Variants in AXIN1 observed in about 807,000 individuals in gnomAD.
AXIN1 encodes the protein axin 1.
A neutral mutation model predicts 76.4 loss-of-function variants in AXIN1; 30 were observed. The ratio of observed to expected loss-of-function variants is 0.39; its 90% CI spans 0.29 to 0.53. The LOEUF (loss-of-function observed/expected upper bound fraction) is 0.53, where lower values mean the gene tolerates loss of function less well. Ranked by LOEUF, AXIN1 falls within the 20% of genes least tolerant of loss-of-function variation. The pLI, the probability that AXIN1 is intolerant of heterozygous loss-of-function variation, is 0.66. For missense variants in AXIN1, 1,140 were observed against 1,198.8 expected, an observed-to-expected ratio of 0.95 and a Z score of 0.72; for synonymous variants, 545 against 501.4, an observed-to-expected ratio of 1.09 and a Z score of -1.16.
chr16:341,949 T>C (rs886210735), intron 2 of AXIN1, among the ~76,000 whole-genome samples: 7 of 152,166 alleles, frequency 4.6e-5, no homozygotes, highest in Non-Finnish European at 8.8e-5. Context: ...AAGCTTTGTG[T>C]CTAGCTCAGG....
At position 347,225 on chromosome 16, in the gene AXIN1, C is replaced by T. The variant is rs548819092; in HGVS notation, c.-81-119G>A. ...TCCCGCTCAAACTCAAAGCAAGAAA[C>T]TCAGTTTAAATGTTCAATCAAGATA... On this transcript the variant is annotated intron_variant, in intron 1 of 10. Transcript: ENST00000262320. 269 of 907,282 alleles carry T rather than the reference C, an allele frequency of 3.0e-4. 4 individuals carry two copies. In the South Asian group the frequency reaches 4.3e-3, roughly 15 times the overall value. 56.2% of individuals were successfully genotyped at this position (907,282 alleles called of 1,614,324 possible). A position where few individuals can be genotyped will look rare whatever the true frequency, so the allele number is the denominator to read the frequency against.
intron 6 of AXIN1, 147 bp from the exon 7 acceptor site, chr16:297,373 G>A (rs766045360): frequency 1.7e-4 from 172 of 1,038,508 alleles, no homozygotes; most frequent in Non-Finnish European, 2.2e-4. Flanking sequence ...TCCCCCACCC[G>A]CTGTCCCCCG....
chr16:335,521 ACCACGGCACAC>A (rs1480678462), intron 2 of AXIN1, among the ~76,000 whole-genome samples: 1 of 152,094 alleles, frequency 6.6e-6, no homozygotes, highest in African/African-American at 2.4e-5. Flanking sequence ...AGCACCCAGT[ACCACGGCACAC>A]CAATAACATA....
rs568433367 is a variant in AXIN1, at chr16:327,113, A to G, written c.879-12430T>C. On this transcript the variant is annotated intron_variant, in intron 2 of 10. Coordinates refer to ENST00000262320, the MANE Select transcript of AXIN1 (RefSeq NM_003502.4). Reference sequence around the variant, plus strand: ...GCCGAGATCGCACCATTGCACTCCAACCTGGGCGACAGAGCGAGGCTCCGT... The same window carrying G: ...GCCGAGATCGCACCATTGCACTCCAGCCTGGGCGACAGAGCGAGGCTCCGT... Among the ~76,000 whole-genome samples, 672 of 150,844 alleles carry G rather than the reference A, an allele frequency of 4.5e-3. 9 individuals carry two copies. Among genetic ancestry groups the G allele is most frequent in the African/African-American group, 0.016 (639 of 41,024 alleles).
At chr16:300,845 C>T (rs530810764) in intron 5 of AXIN1, among the ~76,000 whole-genome samples, 21 of 152,262 alleles carry the variant, frequency 1.4e-4, no homozygotes, top group African/African-American at 5.1e-4. Flanking sequence ...TGATGCCGTT[C>T]ACTGCCTTGG....
chr16:310,411 T>A (rs772634010), intron 3 of AXIN1, among the ~76,000 whole-genome samples: 2 of 152,192 alleles, frequency 1.3e-5, no homozygotes, highest in Non-Finnish European at 1.5e-5. Context: ...TTCTTCTTTT[T>A]TTTGAGATGG....
chr16:347,259 C>T (rs2054051709), intron 1 of AXIN1, among the ~76,000 whole-genome samples, 153 bp from the exon 2 acceptor site: 1 of 152,050 alleles, frequency 6.6e-6, no homozygotes, highest in Non-Finnish European at 1.5e-5. Flanking sequence ...TATATTTTGG[C>T]CACAAGCATA....
chr16:304,235 A>G (rs2141544041), intron 5 of AXIN1, 69 bp downstream of exon 5: 1 of 1,597,960 alleles, frequency 6.3e-7, no homozygotes, highest in Non-Finnish European at 8.5e-7. Flanking sequence ...GAAGAACATC[A>G]GGACATCCCG....
intron 2 of AXIN1, among the ~76,000 whole-genome samples, chr16:318,922 C>G (rs568951911): frequency 6.6e-6 from 1 of 152,164 alleles, no homozygotes; most frequent in Non-Finnish European, 1.5e-5. Context: ...GAGAGTGGCT[C>G]TGACCCCTGG....
At chr16:315,697 G>A (rs1230005875) in intron 2 of AXIN1, among the ~76,000 whole-genome samples, 1 of 152,022 alleles carries the variant, frequency 6.6e-6, no homozygotes, top group East Asian at 1.9e-4. Context: ...CGTGGTGGCG[G>A]GCGCCTGTAG....
chr16:308,997 C>CACAG (rs2053100623), intron 4 of AXIN1, among the ~76,000 whole-genome samples: 1 of 152,178 alleles, frequency 6.6e-6, no homozygotes, highest in Non-Finnish European at 1.5e-5. Context: ...TACTTCCCTG[C>CACAG]ACAGACACTC....
At position 346,427 on chromosome 16, in the gene AXIN1, G is replaced by C. The variant is rs2141703036; in HGVS notation, c.599C>G (p.Ser200Cys). Residue 200 changes from serine to cysteine, a missense_variant, in exon 2 of 11, where the codon TCC becomes TGC. Ser to Cys is a moderately radical substitution (Grantham distance 112). Coordinates refer to ENST00000262320, the MANE Select transcript of AXIN1 (RefSeq NM_003502.4). ...CAAATAAATATCAGACTTAAGGAAG[G>C]AGGGATAGGTGTTTTCCTCCATAGT... ...QATMEENTYP[S>C]FLKSDIYLEY... 6.2e-7 allele frequency: 1 copy of C among 1,614,208 alleles called. No individual in the cohort carries two copies. The highest frequency in any genetic ancestry group is 8.5e-7 in the Non-Finnish European group (1 of 1,180,042).
At position 346,386 on chromosome 16, in the gene AXIN1, C is replaced by T. The variant is rs2141702590; in HGVS notation, c.640G>A (p.Gly214Ser). 1.2e-6 allele frequency: 2 copies of T among 1,614,236 alleles called. No homozygotes were observed. Among genetic ancestry groups the T allele is most frequent in the Non-Finnish European group, 1.7e-6 (2 of 1,180,042 alleles). The change falls in exon 2 of 11, where the codon GGC becomes AGC. Residue 214 changes from glycine to serine, a missense_variant. Physicochemically the swap from Gly to Ser is moderately conservative, Grantham distance 56. This residue lies in a region of AXIN1 where 708 missense variants were observed against 776.9 expected (regional missense o/e 0.91). Coordinates refer to ENST00000262320, the MANE Select transcript of AXIN1 (RefSeq NM_003502.4). ...SDIYLEYTRT[G>S]SESPKVCSDQ... ...CTACAGACTTTGGGGCTCTCCGAGC[C>T]TGTCCTCGTATATTCCAAATAAATA...
intron 7 of AXIN1, among the ~76,000 whole-genome samples, chr16:294,755 C>CAA (rs1015576394): frequency 0.056 from 1,364 of 24,224 alleles, 97 homozygotes; most frequent in African/African-American, 0.078. Flanking sequence ...AACCCCATCT[C>CAA]AAAAAAAAAA....
At chr16:305,950 C>T (rs1368096390) in intron 4 of AXIN1, among the ~76,000 whole-genome samples, 1 of 152,186 alleles carries the variant, frequency 6.6e-6, no homozygotes, top group East Asian at 1.9e-4. Flanking sequence ...CGGTGTGAGC[C>T]ACCACGCCTG....
At chr16:291,595 T>A in intron 8 of AXIN1, 1 of 481,848 alleles carries the variant, frequency 2.1e-6, no homozygotes, top group Middle Eastern at 5.9e-4. Context: ...CACCACCTCA[T>A]CCCCTCTGGT....
chr16:341,192 C>G (rs2053911005), intron 2 of AXIN1, among the ~76,000 whole-genome samples: 1 of 152,286 alleles, frequency 6.6e-6, no homozygotes, highest in African/African-American at 2.4e-5. Flanking sequence ...CAGCCCACCA[C>G]TGCACTGTGG....
intron 9 of AXIN1, chr16:290,064 C>G (rs1596966489): frequency 8.1e-6 from 2 of 246,790 alleles, no homozygotes; most frequent in East Asian, 2.2e-4. Flanking sequence ...GCGGGGGTGG[C>G]CAGCAGGCCC....
Position 288,169 on chromosome 16 carries a change from G to T in AXIN1, c.2542C>A (p.Pro848Thr). The change falls in exon 11 of 11, where the codon CCC (proline) becomes ACC (threonine). Residue 848 changes from proline to threonine, a missense_variant. Around this residue, in one of 3 missense-constraint regions of AXIN1, gnomAD observed 429 missense variants for 405.8 expected, o/e 1.06. Coordinates refer to ENST00000262320, the MANE Select transcript of AXIN1 (RefSeq NM_003502.4). The part of the protein sequence containing the change: ...EEVREDEAVL[P>T]VFEEKIIGKV... ...CCGATGATCTTCTCCTCAAAGACGG[G>T]CAGGACGGCCTCGTCCTCTCGAACC... 1 of 1,613,644 alleles carries T rather than the reference G, an allele frequency of 6.2e-7. No homozygotes were observed. The highest frequency in any genetic ancestry group is 8.5e-7 in the Non-Finnish European group (1 of 1,180,004).
Sources: allele counts gnomAD v4.1 joint callset (sites outside exome capture counted in the v4.1 genomes callset), GRCh38; gene constraint gnomAD v4.1.1; regional missense constraint gnomAD v4.1.1; transcripts MANE v1.5; gene names NCBI Gene and HGNC (gene_info 2026-07-23, HGNC 2026-07-21).